Variants in TMEM177 observed in about 807,000 individuals in gnomAD.
The protein encoded by TMEM177 is transmembrane protein 177.
Under a neutral mutation model 14.2 loss-of-function variants are expected in TMEM177, and 4 were observed. The observed-to-expected ratio is 0.28, with a 90% confidence interval of 0.14 to 0.64. The LOEUF (loss-of-function observed/expected upper bound fraction) is 0.64. Ranked by LOEUF, TMEM177 falls within the 30% of genes least tolerant of loss-of-function variation. The probability of loss-of-function intolerance (pLI) is 0.82; values close to 1 mark genes in which losing one functional copy is unlikely to be tolerated. For missense variants in TMEM177, 344 were observed against 405.2 expected (o/e 0.85, Z 1.30); for synonymous variants, 179 against 174.5 (o/e 1.03, Z -0.20).
At position 119,681,456 on chromosome 2, in the gene TMEM177, G is replaced by T; in HGVS notation, c.603G>T (p.Arg201=). The change falls in exon 2 of 2, where the codon CGG becomes CGT. Residue 201 remains arginine, a synonymous_variant. Coordinates refer to ENST00000272521, the MANE Select transcript of TMEM177 (RefSeq NM_030577.3). ...LGLHAGPMNL[R]AAFSLVAAVA... is the part of the protein sequence containing the mutation. ...TCCATGCAGGCCCCATGAATTTACG[G>T]GCTGCCTTCAGCTTGGTGGCAGCAG... The T allele has an allele frequency of 6.2e-7, 1 of 1,613,530 alleles. No homozygotes were observed. Among genetic ancestry groups the T allele is most frequent in the Non-Finnish European group, 8.5e-7 (1 of 1,180,038 alleles).
chr2:119,681,777 G>A lies in TMEM177; in HGVS notation c.924G>A (p.Pro308=), dbSNP rs1458608961. 7.4e-6 allele frequency: 12 copies of A among 1,612,778 alleles called. No homozygotes were observed. Among genetic ancestry groups the A allele is most frequent in the East Asian group, 4.5e-5 (2 of 44,874 alleles). ...AGATGTGGAGGGGGATGCTCAATCC[G>A]GGCCGCTCCTGATGGGCTCATCACA... is the stretch of plus-strand genomic sequence containing the variant. The part of the protein sequence containing the change: ...VLQMWRGMLN[P]GRS The change falls in exon 2 of 2, where the codon CCG becomes CCA. Residue 308 remains proline (P), a synonymous_variant. Transcript: ENST00000272521.
At chr2:119,711,546 A>G in the TMEM177 span, among the ~76,000 whole-genome samples, 1 of 152,116 alleles carries the variant, frequency 6.6e-6, no homozygotes, top group Non-Finnish European at 1.5e-5. Flanking sequence ...GGGGGCTGAC[A>G]CTCCCAAACA....
chr2:119,712,660 G>A, the TMEM177 span, among the ~76,000 whole-genome samples: 1 of 152,182 alleles, frequency 6.6e-6, no homozygotes, highest in Non-Finnish European at 1.5e-5. Context: ...AGAAAGAAAT[G>A]TCTATCGCTT....
At chr2:119,706,024 T>TATATTTTTAC in the TMEM177 span, among the ~76,000 whole-genome samples, 1 of 36,722 alleles carries the variant, frequency 2.7e-5, no homozygotes, top group African/African-American at 8.2e-5. Context: ...TATATATTTA[T>TATATTTTTAC]ATATATATAT....
the TMEM177 span, among the ~76,000 whole-genome samples, chr2:119,721,529 G>T: frequency 6.6e-6 from 1 of 152,216 alleles, no homozygotes; most frequent in African/African-American, 2.4e-5. Flanking sequence ...GGGATTGTGG[G>T]AACACCCAGA....
At chr2:119,685,518 C>T (rs1688999176), downstream of TMEM177, 1 of 620,002 alleles carries the variant, frequency 1.6e-6, no homozygotes, top group African/African-American at 1.8e-5. Flanking sequence ...TCCTGCCTGT[C>T]TCCTCCCCAC....
At chr2:119,682,672 T>G (rs1688935695), downstream of TMEM177, among the ~76,000 whole-genome samples, 1 of 151,824 alleles carries the variant, frequency 6.6e-6, no homozygotes, top group Non-Finnish European at 1.5e-5. Context: ...TTCACTCAAA[T>G]GTAGAGGAAG....
chr2:119,682,321 G>C (rs543082203), downstream of TMEM177, among the ~76,000 whole-genome samples: 1 of 152,218 alleles, frequency 6.6e-6, no homozygotes, highest in Non-Finnish European at 1.5e-5. Flanking sequence ...GGCTGTGGGA[G>C]TCAGGGCACA....
the TMEM177 span, among the ~76,000 whole-genome samples, chr2:119,712,504 A>G: frequency 6.6e-6 from 1 of 152,200 alleles, no homozygotes; most frequent in African/African-American, 2.4e-5. Flanking sequence ...TTGGATACAC[A>G]GAGACACCAG....
At chr2:119,720,671 G>A in the TMEM177 span, among the ~76,000 whole-genome samples, 3 of 152,112 alleles carry the variant, frequency 2.0e-5, no homozygotes, top group African/African-American at 7.2e-5. Flanking sequence ...GAAATTTCGT[G>A]CCAGCCTTGT....
chr2:119,710,758 C>T, the TMEM177 span, among the ~76,000 whole-genome samples: 1 of 151,994 alleles, frequency 6.6e-6, no homozygotes, highest in South Asian at 2.1e-4. Context: ...TACAGGCGCC[C>T]CCACCACCCC....
chr2:119,700,029 C>A, the TMEM177 span: 1 of 299,784 alleles, frequency 3.3e-6, no homozygotes, highest in South Asian at 4.1e-5. Flanking sequence ...CATGAGCTCT[C>A]CCTGCCACAT....
At chr2:119,680,383 C>T (rs1261912404) in intron 1 of TMEM177, among the ~76,000 whole-genome samples, 1 of 152,136 alleles carries the variant, frequency 6.6e-6, no homozygotes, top group Non-Finnish European at 1.5e-5. Context: ...TAAGAGTGCT[C>T]AGAACTGAGT....
the TMEM177 span, among the ~76,000 whole-genome samples, chr2:119,700,369 AG>A: frequency 6.6e-6 from 1 of 152,140 alleles, no homozygotes; most frequent in South Asian, 2.1e-4. Flanking sequence ...GGAGCCTGAG[AG>A]TTCCCGTGGC....
chr2:119,705,067 A>G, the TMEM177 span, among the ~76,000 whole-genome samples: 14 of 152,176 alleles, frequency 9.2e-5, no homozygotes, highest in Non-Finnish European at 1.9e-4. Flanking sequence ...GCTCTTTTTA[A>G]GCAGCTGACA....
In TMEM177 at chr2:119,681,625, C is replaced by G; in HGVS notation, c.772C>G (p.Leu258Val). Residue 258 changes from leucine (L) to valine (V), a missense_variant, in exon 2 of 2, where the codon CTG becomes GTG. Transcript: ENST00000272521. ...EFYEKLLSGN[L>V]ALRSLLGKDG... ...CTATGAGAAGCTTCTGTCGGGCAAC[C>G]TGGCCCTGCGCAGTCTCTTGGGCAA... 1.9e-6 allele frequency: 3 copies of G among 1,614,266 alleles called. No individual in the cohort carries two copies. Among genetic ancestry groups the G allele is most frequent in the Non-Finnish European group, 2.5e-6 (3 of 1,180,048 alleles).
downstream of TMEM177, chr2:119,685,932 C>A: frequency 1.8e-6 from 1 of 542,936 alleles, no homozygotes; most frequent in South Asian, 2.4e-5. Flanking sequence ...CGAGGAGACC[C>A]CTCCAGCTAA....
chr2:119,705,705 C>A, the TMEM177 span, among the ~76,000 whole-genome samples: 1 of 149,446 alleles, frequency 6.7e-6, no homozygotes, highest in African/African-American at 2.5e-5. Context: ...GAGTGACAGT[C>A]CATCACATTG....
At chr2:119,705,589 G>A in the TMEM177 span, among the ~76,000 whole-genome samples, 3 of 148,758 alleles carry the variant, frequency 2.0e-5, no homozygotes, top group African/African-American at 7.5e-5. Flanking sequence ...GCACATACGA[G>A]TTACTCTCTC....
Sources: allele counts gnomAD v4.1 joint callset (sites outside exome capture counted in the v4.1 genomes callset), GRCh38; gene constraint gnomAD v4.1.1; transcripts MANE v1.5; gene names NCBI Gene and HGNC (gene_info 2026-07-23, HGNC 2026-07-21).